DPYSL2: variants seen among roughly 807,000 people sequenced by gnomAD.
DPYSL2 encodes the protein dihydropyrimidinase-related protein 2.
A neutral mutation model predicts 69.9 loss-of-function variants in DPYSL2; 13 were observed. The observed-to-expected ratio is 0.19, with a 90% CI of 0.12 to 0.30. The LOEUF is 0.30. DPYSL2 is among the 10% of genes least tolerant of loss of function. The pLI is 1.00. For missense variants in DPYSL2, 587 were observed against 918.9 expected, an observed-to-expected ratio of 0.64 and a Z score of 4.67; for synonymous variants, 326 against 359.1, an observed-to-expected ratio of 0.91 and a Z score of 1.04.
At chr8:26,541,865 G>A (rs2053537) in intron 1 of DPYSL2, among the ~76,000 whole-genome samples, 133,183 of 152,262 alleles carry the variant, frequency 0.87, 58,651 homozygotes, top group East Asian at 0.99. Flanking sequence ...CAAAGACAGC[G>A]AGAAAACAAG....
chr8:26,546,103 T>C (rs978242310), intron 1 of DPYSL2, among the ~76,000 whole-genome samples: 1 of 152,246 alleles, frequency 6.6e-6, no homozygotes, highest in East Asian at 1.9e-4. Context: ...CTTGACAATA[T>C]TGTCTTCCAA....
At position 26,571,537 on chromosome 8, in the gene DPYSL2, G is replaced by A. The variant is rs1801238052; in HGVS notation, c.355-10432G>A. The stretch of plus-strand genomic sequence containing the variant: ...ATGAGGTGCAGGGTGGGCATTGCAG[G>A]AGTTCTTCAGGAGGTGTGTGCGCTA... On this transcript the variant is annotated intron_variant, in intron 1 of 13. Transcript: ENST00000521913. This position sits in a 1 kb window ranked among gnomAD's most constrained non-coding sequence, Gnocchi z 6.1. 6.6e-6 allele frequency among the ~76,000 whole-genome samples: 1 copy of A among 152,130 alleles called. No individual in the cohort carries two copies. Among genetic ancestry groups the A allele is most frequent in the South Asian group, 2.1e-4 (1 of 4,826 alleles).
At chr8:26,604,484 G>A (rs564728171) in intron 3 of DPYSL2, among the ~76,000 whole-genome samples, 7 of 152,338 alleles carry the variant, frequency 4.6e-5, no homozygotes, top group African/African-American at 1.4e-4. Flanking sequence ...GGAGGTAAAG[G>A]AATGGGTGAG....
At chr8:26,572,720 G>C (rs756581354) in intron 1 of DPYSL2, among the ~76,000 whole-genome samples, 1 of 152,074 alleles carries the variant, frequency 6.6e-6, no homozygotes, top group African/African-American at 2.4e-5. Context: ...GGATGGTCTC[G>C]AACTCCTGAT....
intron 1 of DPYSL2, chr8:26,577,114 T>G: frequency 2.3e-6 from 1 of 442,106 alleles, no homozygotes; most frequent in South Asian, 1.6e-5. Context: ...CTTCCCCGGA[T>G]GCCTCCTTCC....
chr8:26,555,929 A>T (rs1338929202), intron 1 of DPYSL2, among the ~76,000 whole-genome samples: 1 of 132,854 alleles, frequency 7.5e-6, no homozygotes, highest in African/African-American at 2.8e-5. Flanking sequence ...TAGCATATAT[A>T]CACATATACT....
At chr8:26,628,240 T>G (rs1802664490) in intron 7 of DPYSL2, among the ~76,000 whole-genome samples, 1 of 152,218 alleles carries the variant, frequency 6.6e-6, no homozygotes. Flanking sequence ...TCCTGCAATG[T>G]AGATTTTAGT....
At chr8:26,618,254 C>T (rs1802399599) in intron 3 of DPYSL2, among the ~76,000 whole-genome samples, 1 of 151,744 alleles carries the variant, frequency 6.6e-6, no homozygotes, top group Non-Finnish European at 1.5e-5. Flanking sequence ...TTGCCAGGTG[C>T]TTTTACCTAC....
In DPYSL2 at chr8:26,586,111, A is replaced by C. The variant is rs974677346; in HGVS notation, c.628+2128A>C. 6.6e-6 allele frequency among the ~76,000 whole-genome samples: 1 copy of C among 152,086 alleles called. No individual in the cohort carries two copies. Among genetic ancestry groups the C allele is most frequent in the Non-Finnish European group, 1.5e-5 (1 of 68,002 alleles). On this transcript the variant is annotated intron_variant, in intron 3 of 13. Coordinates refer to ENST00000521913, the MANE Select transcript of DPYSL2 (RefSeq NM_001197293.3). This position sits in a 1 kb window ranked among gnomAD's most constrained non-coding sequence, Gnocchi z 4.7. Reference sequence around the variant, plus strand: ...GAGTGAGACTCCGTCTCAAAAAAAAACAAACAAAAAAATTCTCGAGTGAAT... The same window carrying C: ...GAGTGAGACTCCGTCTCAAAAAAAACCAAACAAAAAAATTCTCGAGTGAAT...
rs944338659 is a variant in DPYSL2 at position 26,624,254 on chromosome 8, G to T, written c.740G>T (p.Ser247Ile). ...CCDYSLHVDISEWHKGIQEEM... is the reference protein window; with the variant it reads ...CCDYSLHVDIIEWHKGIQEEM... ...GACTACTCTCTGCATGTGGACATCA[G>T]TGAGTGGCATAAGGGCATCCAGGAG... The change falls in exon 4 of 14, where the codon AGT becomes ATT. Residue 247 changes from serine to isoleucine, a missense_variant. Around this residue, in one of 3 missense-constraint regions of DPYSL2, gnomAD observed 452 missense variants for 754.3 expected, o/e 0.60. Coordinates refer to ENST00000521913, the MANE Select transcript of DPYSL2 (RefSeq NM_001197293.3). The surrounding 1 kb of genome is among the most constrained non-coding windows in gnomAD (Gnocchi z 4.7). The T allele has an allele frequency of 1.2e-5, 19 of 1,614,092 alleles. No homozygotes were observed. The highest frequency in any genetic ancestry group is 1.6e-5 in the Non-Finnish European group (19 of 1,180,046).
chr8:26,606,327 A>G (rs1362399152), intron 3 of DPYSL2, among the ~76,000 whole-genome samples: 2 of 152,212 alleles, frequency 1.3e-5, no homozygotes, highest in East Asian at 3.8e-4. Context: ...TTTAAACAGT[A>G]AAGTCAGAAG....
intron 1 of DPYSL2, among the ~76,000 whole-genome samples, chr8:26,569,354 C>T (rs1322298391): frequency 1.9e-5 from 1 of 52,272 alleles, no homozygotes; most frequent in Admixed American, 2.7e-4. Flanking sequence ...ACCCTATCTC[C>T]AAAAAAAAAA....
At chr8:26,546,690 C>T (rs1011161514) in intron 1 of DPYSL2, among the ~76,000 whole-genome samples, 2 of 150,542 alleles carry the variant, frequency 1.3e-5, no homozygotes, top group Admixed American at 6.6e-5. Flanking sequence ...GAGGCCGAGA[C>T]GGGTGGATCA....
chr8:26,556,339 G>GTATATATATATATAC (rs71501512), intron 1 of DPYSL2, among the ~76,000 whole-genome samples: 1 of 5,778 alleles, frequency 1.7e-4, no homozygotes, highest in African/African-American at 3.5e-4. Context: ...TATATATATA[G>GTATATATATATATAC]TATATATATA....
At chr8:26,596,011 C>T (rs899626765) in intron 3 of DPYSL2, among the ~76,000 whole-genome samples, 2 of 151,912 alleles carry the variant, frequency 1.3e-5, no homozygotes, top group Non-Finnish European at 2.9e-5. Flanking sequence ...AGCTCATTAG[C>T]TGCAGAAATC....
Position 26,573,625 on chromosome 8 carries a change from G to A in DPYSL2, c.355-8344G>A, listed in dbSNP as rs375853211. Among the ~76,000 whole-genome samples the A allele has an allele frequency of 2.3e-3, 319 of 136,994 alleles. 2 individuals carry two copies. The highest frequency in any genetic ancestry group is 7.8e-3 in the African/African-American group (286 of 36,440). 89.9% of individuals were successfully genotyped at this position (136,994 alleles called of 152,430 possible). ...GGAGCTTGCAGTGAGCCGAGATTGC[G>A]CCACTGCACTACAGCCTGGGGCAAC... On this transcript the variant is annotated intron_variant, in intron 1 of 13. Transcript: ENST00000521913.
At chr8:26,515,066 G>A (rs777311454) in intron 1 of DPYSL2, among the ~76,000 whole-genome samples, 2 of 152,194 alleles carry the variant, frequency 1.3e-5, no homozygotes, top group Non-Finnish European at 2.9e-5. Context: ...TTTTTGAGCG[G>A]CTCAGAGCGT....
Position 26,653,493 on chromosome 8 carries a change from A to G in DPYSL2, c.1942+96A>G. The G allele has an allele frequency of 7.9e-7, 1 of 1,261,366 alleles. No homozygotes were observed. The highest frequency in any genetic ancestry group is 1.1e-6 in the Non-Finnish European group (1 of 902,084). The allele number at this position is 1,261,366 out of a possible 1,614,324, so 78.1% of individuals were successfully genotyped here. A position where few individuals can be genotyped will look rare whatever the true frequency, so the allele number is the denominator to read the frequency against. On this transcript the variant is annotated intron_variant, in intron 13 of 13. Transcript: ENST00000521913. This position sits in a 1 kb window ranked among gnomAD's most constrained non-coding sequence, Gnocchi z 5.7. ...CATTTGGAAAGGACACAGAAATAGAAGTGAATGATATTCCCTTTCTCTCCA... is the reference window on the plus strand; with the variant it reads ...CATTTGGAAAGGACACAGAAATAGAGGTGAATGATATTCCCTTTCTCTCCA...
At chr8:26,600,841 C>G (rs565941803) in intron 3 of DPYSL2, among the ~76,000 whole-genome samples, 3 of 152,350 alleles carry the variant, frequency 2.0e-5, no homozygotes, top group African/African-American at 7.2e-5. Context: ...TTGCTCTGAT[C>G]TCACCGCATG....
Sources: gnomAD v4.1 joint callset for allele counts (sites outside exome capture counted in the v4.1 genomes callset) on GRCh38, gnomAD v4.1.1 for gene constraint, gnomAD v4.1.1 regional missense constraint, Gnocchi (gnomAD v3.1) non-coding constraint, MANE v1.5 for transcripts, NCBI Gene and HGNC (gene_info 2026-07-23, HGNC 2026-07-21) for gene names.